CNTNAP2: variants seen among roughly 807,000 people sequenced by gnomAD.
CNTNAP2 encodes the protein contactin associated protein 2.
In CNTNAP2, 98 loss-of-function variants were observed where a neutral mutation model predicts 155.2. The ratio of observed to expected loss-of-function variants is 0.63; its 90% CI spans 0.54 to 0.75. CNTNAP2 has a LOEUF of 0.75. Among genes scored for constraint, CNTNAP2 ranks in the 30% least tolerant of loss-of-function variants. The pLI, the probability that CNTNAP2 is intolerant of heterozygous loss-of-function variation, is 0.00. For missense variants in CNTNAP2, 1,727 were observed against 1,688.1 expected (o/e 1.02, Z -0.40); for synonymous variants, 651 against 631.2 (o/e 1.03, Z -0.47).
At chr7:147,559,230 T>A (rs1800013034) in intron 11 of CNTNAP2, among the ~76,000 whole-genome samples, 1 of 152,112 alleles carries the variant, frequency 6.6e-6, no homozygotes, top group Non-Finnish European at 1.5e-5. Context: ...GCTGGTAGTA[T>A]ATTGTAGATA....
intron 11 of CNTNAP2, among the ~76,000 whole-genome samples, chr7:147,499,863 A>G (rs1798779315): frequency 1.3e-5 from 2 of 152,324 alleles, no homozygotes; most frequent in Middle Eastern, 6.8e-3. Flanking sequence ...TAGTGTTTCT[A>G]GCTCTGTGCT....
At chr7:146,301,105 C>T (rs575676104) in intron 1 of CNTNAP2, among the ~76,000 whole-genome samples, 2 of 152,124 alleles carry the variant, frequency 1.3e-5, no homozygotes, top group East Asian at 1.9e-4. Context: ...GACCAGCAGA[C>T]CCAACATTCC....
chr7:146,390,893 C>T (rs1351710957), intron 1 of CNTNAP2, among the ~76,000 whole-genome samples: 1 of 111,484 alleles, frequency 9.0e-6, no homozygotes, highest in African/African-American at 3.3e-5. Context: ...ATGGTGAAAC[C>T]CCATCTCTAC....
At chr7:147,286,498 G>A (rs1037029297) in intron 8 of CNTNAP2, among the ~76,000 whole-genome samples, 7 of 151,662 alleles carry the variant, frequency 4.6e-5, no homozygotes, top group African/African-American at 9.7e-5. Flanking sequence ...TAGAAAAAAC[G>A]GAACGTAAGA....
intron 1 of CNTNAP2, among the ~76,000 whole-genome samples, chr7:146,144,325 T>C (rs1797925898): frequency 6.6e-6 from 1 of 151,836 alleles, no homozygotes; most frequent in Admixed American, 6.6e-5. Context: ...CTAATTTTCA[T>C]ATTTTGGTTA....
At chr7:146,467,070 T>TGTC (rs1230438089) in intron 1 of CNTNAP2, among the ~76,000 whole-genome samples, 3 of 152,172 alleles carry the variant, frequency 2.0e-5, no homozygotes, top group Admixed American at 2.0e-4. Flanking sequence ...AATAATTTAA[T>TGTC]GTTAACAAAT....
intron 14 of CNTNAP2, among the ~76,000 whole-genome samples, chr7:147,975,829 G>C (rs1201963368): frequency 1.3e-5 from 2 of 152,086 alleles, no homozygotes; most frequent in Admixed American, 1.3e-4. Context: ...TTACACAACA[G>C]TTGCCTACCA....
At chr7:146,615,189 A>C (rs1005679998) in intron 1 of CNTNAP2, among the ~76,000 whole-genome samples, 3 of 152,174 alleles carry the variant, frequency 2.0e-5, no homozygotes, top group Non-Finnish European at 4.4e-5. Flanking sequence ...TTCTCTTATA[A>C]GGACCCTGAG....
chr7:147,240,488 C>T (rs1350848570), intron 8 of CNTNAP2, among the ~76,000 whole-genome samples: 3 of 152,196 alleles, frequency 2.0e-5, no homozygotes, highest in Non-Finnish European at 4.4e-5. Context: ...TTTTCCTTCC[C>T]AAGCTCCAGG....
intron 8 of CNTNAP2, among the ~76,000 whole-genome samples, chr7:147,237,693 C>T (rs577712286): frequency 6.6e-6 from 1 of 152,354 alleles, no homozygotes; most frequent in Admixed American, 6.5e-5. Flanking sequence ...GCTGAATCCA[C>T]TTCCAGCATG....
chr7:147,874,209 G>A (rs183754974), intron 13 of CNTNAP2, among the ~76,000 whole-genome samples: 1 of 152,312 alleles, frequency 6.6e-6, no homozygotes, highest in Admixed American at 6.5e-5. Context: ...CCACTATGCA[G>A]TGCCCCAGTG....
At chr7:147,850,298 T>A (rs1209624956) in intron 13 of CNTNAP2, among the ~76,000 whole-genome samples, 2 of 152,208 alleles carry the variant, frequency 1.3e-5, no homozygotes, top group Non-Finnish European at 2.9e-5. Flanking sequence ...CATTCCATGC[T>A]CATGGATAGG....
chr7:146,421,218 C>G (rs1796007909), intron 1 of CNTNAP2, among the ~76,000 whole-genome samples: 1 of 151,954 alleles, frequency 6.6e-6, no homozygotes, highest in Non-Finnish European at 1.5e-5. Flanking sequence ...CCATATTTCT[C>G]TCTTAACAAG....
intron 1 of CNTNAP2, among the ~76,000 whole-genome samples, chr7:146,138,509 T>C (rs1305830247): frequency 6.6e-6 from 1 of 152,156 alleles, no homozygotes; most frequent in African/African-American, 2.4e-5. Context: ...TGTTGAACAA[T>C]ATAGACCATA....
At chr7:148,047,829 T>C (rs1468731907) in intron 15 of CNTNAP2, among the ~76,000 whole-genome samples, 1 of 152,152 alleles carries the variant, frequency 6.6e-6, no homozygotes, top group African/African-American at 2.4e-5. Context: ...GACTACACCA[T>C]CCTTTTGAAC....
chr7:147,810,908 T>G (rs1798169510), intron 13 of CNTNAP2, among the ~76,000 whole-genome samples: 2 of 152,134 alleles, frequency 1.3e-5, no homozygotes, highest in African/African-American at 4.8e-5. Flanking sequence ...CTTTCTGTGG[T>G]ATGGGAGCTA....
At chr7:146,687,602 G>A (rs958510067) in intron 1 of CNTNAP2, among the ~76,000 whole-genome samples, 99 of 151,928 alleles carry the variant, frequency 6.5e-4, no homozygotes, top group Non-Finnish European at 1.1e-3. Flanking sequence ...ATATTTTTAG[G>A]CTTTTGTGTT....
chr7:147,143,624 G>T (rs1801644250), intron 8 of CNTNAP2, among the ~76,000 whole-genome samples: 1 of 151,806 alleles, frequency 6.6e-6, no homozygotes, highest in African/African-American at 2.4e-5. Context: ...TTACAATTCT[G>T]TTATCTTCAT....
chr7:146,280,308 A>T (rs73459922), intron 1 of CNTNAP2, among the ~76,000 whole-genome samples: 2,921 of 152,278 alleles, frequency 0.019, 115 homozygotes, highest in African/African-American at 0.066. Flanking sequence ...ATCAAGAATG[A>T]GCCTTAAGTG....
Sources: allele counts gnomAD v4.1 joint callset (sites outside exome capture counted in the v4.1 genomes callset), GRCh38; gene constraint gnomAD v4.1.1; transcripts MANE v1.5; gene names NCBI Gene and HGNC (gene_info 2026-07-23, HGNC 2026-07-21).